The following ATP9B variants were observed in gnomAD, a reference collection of about 807,000 sequenced individuals.
ATP9B encodes ATPase phospholipid transporting 9B, also known as probable phospholipid-transporting ATPase IIB.
A neutral mutation model predicts 146.1 loss-of-function variants in ATP9B; 110 were observed. The observed-to-expected ratio is 0.75, with a 90% CI of 0.65 to 0.88. ATP9B has a LOEUF of 0.88. Among genes scored for constraint, ATP9B ranks in the 40% least tolerant of loss-of-function variants. ATP9B has a pLI of 0.00. For missense variants in ATP9B, 1,499 were observed against 1,496.4 expected (o/e 1.00, Z -0.03); for synonymous variants, 604 against 569.7 (o/e 1.06, Z -0.86).
chr18:79,376,008 T>C (rs1325728464), intron 29 of ATP9B: 1 of 985,158 alleles, frequency 1.0e-6, no homozygotes, highest in Non-Finnish European at 1.2e-6. Flanking sequence ...GAGTAGATGG[T>C]TCTTCTGTGG....
intron 18 of ATP9B, 119 bp from the exon 19 acceptor site, chr18:79,337,160 T>C: frequency 2.3e-6 from 3 of 1,301,828 alleles, no homozygotes. Flanking sequence ...ACACAGCACG[T>C]ACACGTGTGC....
intron 12 of ATP9B, among the ~76,000 whole-genome samples, chr18:79,256,882 T>C (rs2096087298): frequency 6.6e-6 from 1 of 152,172 alleles, no homozygotes; most frequent in Non-Finnish European, 1.5e-5. Flanking sequence ...TTGATCAGTC[T>C]TTTTTCAAAA....
At chr18:79,359,589 A>C in intron 26 of ATP9B, 127 bp downstream of exon 26, 1 of 734,206 alleles carries the variant, frequency 1.4e-6, no homozygotes, top group Non-Finnish European at 2.4e-6. Context: ...TCTGTCCTTG[A>C]AGATGTTTTT....
At chr18:79,093,520 G>A (rs1305580926) in intron 1 of ATP9B, among the ~76,000 whole-genome samples, 2 of 152,160 alleles carry the variant, frequency 1.3e-5, no homozygotes, top group East Asian at 3.9e-4. Flanking sequence ...GTATCTTTAT[G>A]TAGGTATCTT....
At chr18:79,315,833 G>GA (rs1240900675) in intron 15 of ATP9B, among the ~76,000 whole-genome samples, 11 of 152,174 alleles carry the variant, frequency 7.2e-5, no homozygotes, top group Admixed American at 7.2e-4. Context: ...GTGTTGCTAA[G>GA]CAGCCTGTGC....
At chr18:79,109,359 C>G (rs955535028) in intron 2 of ATP9B, among the ~76,000 whole-genome samples, 1 of 152,126 alleles carries the variant, frequency 6.6e-6, no homozygotes, top group Non-Finnish European at 1.5e-5. Context: ...TCTATACTGT[C>G]TACCCCAAAA....
intron 1 of ATP9B, among the ~76,000 whole-genome samples, chr18:79,072,017 C>T (rs1392395469): frequency 6.6e-6 from 1 of 151,336 alleles, no homozygotes; most frequent in South Asian, 2.1e-4. Context: ...TTTGGATTTC[C>T]AGTGTTAAGA....
chr18:79,288,861 C>T (rs2096471289), intron 13 of ATP9B, among the ~76,000 whole-genome samples: 1 of 152,124 alleles, frequency 6.6e-6, no homozygotes, highest in Non-Finnish European at 1.5e-5. Flanking sequence ...TTTTATTTCT[C>T]CTTCACTTAC....
intron 7 of ATP9B, among the ~76,000 whole-genome samples, chr18:79,162,439 T>C (rs565601343): frequency 6.6e-6 from 1 of 152,368 alleles, no homozygotes; most frequent in Non-Finnish European, 1.5e-5. Context: ...CTTTTAGTGG[T>C]ATTAAGAGAA....
At chr18:79,210,713 T>C (rs1286443188) in intron 10 of ATP9B, among the ~76,000 whole-genome samples, 5 of 152,212 alleles carry the variant, frequency 3.3e-5, no homozygotes, top group African/African-American at 1.2e-4. Context: ...CAGTGCACAC[T>C]GGGGTTCTGT....
intron 1 of ATP9B, among the ~76,000 whole-genome samples, chr18:79,077,421 T>A (rs922245887): frequency 6.6e-5 from 10 of 151,650 alleles, no homozygotes; most frequent in Non-Finnish European, 1.2e-4. Context: ...AGGGGAGGAG[T>A]GCCTGGTTAC....
At chr18:79,165,176 A>C (rs2094946651) in intron 7 of ATP9B, among the ~76,000 whole-genome samples, 1 of 152,216 alleles carries the variant, frequency 6.6e-6, no homozygotes, top group Non-Finnish European at 1.5e-5. Context: ...GAGGTCTAAC[A>C]AGGTCAAGTT....
intron 1 of ATP9B, among the ~76,000 whole-genome samples, chr18:79,078,778 A>G (rs753624584): frequency 6.6e-6 from 1 of 151,930 alleles, no homozygotes; most frequent in Non-Finnish European, 1.5e-5. Context: ...CATCATCTAC[A>G]TTAGGTATTT....
At chr18:79,199,786 G>T (rs1430541412) in intron 9 of ATP9B, among the ~76,000 whole-genome samples, 1 of 150,382 alleles carries the variant, frequency 6.6e-6, no homozygotes, top group Non-Finnish European at 1.5e-5. Flanking sequence ...AAAGAAAAAT[G>T]CAGACACACA....
chr18:79,360,027 ACTT>A (rs2096978438), intron 26 of ATP9B: 1 of 156,152 alleles, frequency 6.4e-6, no homozygotes, highest in East Asian at 1.8e-4. Context: ...ACCCCAGAAA[ACTT>A]CAGTCACCTG....
intron 23 of ATP9B, among the ~76,000 whole-genome samples, chr18:79,347,154 T>C (rs550280591): frequency 6.6e-6 from 1 of 152,300 alleles, no homozygotes; most frequent in South Asian, 2.1e-4. Context: ...TGGTTTGAGG[T>C]TCATCTTCCG....
At chr18:79,241,089 A>T (rs2095883630) in intron 11 of ATP9B, among the ~76,000 whole-genome samples, 1 of 152,232 alleles carries the variant, frequency 6.6e-6, no homozygotes, top group South Asian at 2.1e-4. Context: ...TGGAAAAATG[A>T]ATCACTTATA....
At chr18:79,073,648 C>T (rs947628127) in intron 1 of ATP9B, among the ~76,000 whole-genome samples, 2 of 151,670 alleles carry the variant, frequency 1.3e-5, no homozygotes, top group South Asian at 4.2e-4. Context: ...GGGGGGAGAC[C>T]GTGGAAAGCG....
chr18:79,367,521 C>G (rs2097040916), intron 26 of ATP9B, among the ~76,000 whole-genome samples: 1 of 149,596 alleles, frequency 6.7e-6, no homozygotes, highest in African/African-American at 2.5e-5. Context: ...GCCTCCTCAA[C>G]CAGAGAGCAC....
Sources: gnomAD v4.1 joint callset for allele counts (sites outside exome capture counted in the v4.1 genomes callset) on GRCh38, gnomAD v4.1.1 for gene constraint, MANE v1.5 for transcripts, NCBI Gene and HGNC (gene_info 2026-07-23, HGNC 2026-07-21) for gene names.